ADGRL2: variants seen among roughly 807,000 people sequenced by gnomAD.
The protein encoded by ADGRL2 is calcium-independent alpha-latrotoxin receptor 2.
ADGRL2 carries 44 observed loss-of-function variants against 157.4 expected under a neutral mutation model. The ratio of observed to expected loss-of-function variants is 0.28; its 90% confidence interval spans 0.22 to 0.36. ADGRL2 has a LOEUF of 0.36. Ranked by LOEUF, ADGRL2 falls within the 10% of genes least tolerant of loss-of-function variation. The probability of loss-of-function intolerance (pLI) is 1.00; values close to 1 mark genes in which losing one functional copy is unlikely to be tolerated. For synonymous variants in ADGRL2, 585 were observed against 624.7 expected (o/e 0.94, Z 0.95); for missense variants, 1,510 against 1,768.9 (o/e 0.85, Z 2.63).
chr1:81,759,062 T>C (rs979578559), intron 1 of ADGRL2, among the ~76,000 whole-genome samples: 2 of 152,158 alleles, frequency 1.3e-5, no homozygotes, highest in Admixed American at 6.6e-5. Flanking sequence ...CTGACCTCAA[T>C]TATAGTTAAA....
At chr1:81,376,892 T>C (rs1008825144) in intron 1 of ADGRL2, among the ~76,000 whole-genome samples, 1 of 152,096 alleles carries the variant, frequency 6.6e-6, no homozygotes, top group Non-Finnish European at 1.5e-5. Context: ...TTTGTATTTA[T>C]CCAAAACAAC....
intron 2 of ADGRL2, among the ~76,000 whole-genome samples, chr1:81,465,564 A>G (rs2078035179): frequency 6.6e-6 from 1 of 152,130 alleles, no homozygotes; most frequent in South Asian, 2.1e-4. Flanking sequence ...ATTTTTCATT[A>G]TTGAGATCAT....
chr1:81,464,462 C>T (rs956878847), intron 2 of ADGRL2, among the ~76,000 whole-genome samples: 1 of 152,094 alleles, frequency 6.6e-6, no homozygotes, highest in Non-Finnish European at 1.5e-5. Context: ...GAAACAAGAG[C>T]ATGAATAATT....
chr1:81,783,675 A>G (rs1571207409), intron 2 of ADGRL2, among the ~76,000 whole-genome samples: 1 of 152,226 alleles, frequency 6.6e-6, no homozygotes, highest in East Asian at 1.9e-4. Flanking sequence ...ACTTTTACGT[A>G]GTCAATATAA....
In ADGRL2 at chr1:81,501,853, G is replaced by A. The variant is rs1365244308; in HGVS notation, c.-248+56764G>A. Reference sequence around the variant, plus strand: ...AGCAGCCACACCTGGCTCCTCTGCAGATGGATGCCAGAGAGAAGCAGGGCC... The same window carrying A: ...AGCAGCCACACCTGGCTCCTCTGCAAATGGATGCCAGAGAGAAGCAGGGCC... On this transcript the variant is annotated intron_variant, in intron 2 of 24. Coordinates refer to the ADGRL2 transcript ENST00000370721. The A allele has an allele frequency of 8.1e-6, 13 of 1,598,820 alleles. No individual in the cohort carries two copies. In the African/African-American group the frequency reaches 1.3e-4, roughly 17 times the overall value.
At chr1:81,366,868 C>T (rs1032966980) in intron 1 of ADGRL2, among the ~76,000 whole-genome samples, 2 of 152,194 alleles carry the variant, frequency 1.3e-5, no homozygotes, top group African/African-American at 4.8e-5. Flanking sequence ...TACCTCTCCT[C>T]TTCTCCTGTC....
At chr1:81,836,846 A>G in intron 1 of ADGRL2, 39 bp from the exon 2 acceptor site, 1 of 542,556 alleles carries the variant, frequency 1.8e-6, no homozygotes, top group Non-Finnish European at 3.3e-6. Context: ...GTTATGTAGA[A>G]AGACCATAGA....
intron 2 of ADGRL2, among the ~76,000 whole-genome samples, chr1:81,541,302 C>A (rs1027588179): frequency 3.9e-5 from 6 of 152,186 alleles, no homozygotes; most frequent in Non-Finnish European, 7.4e-5. Context: ...CAACCAATGT[C>A]CAAATGGACA....
At chr1:81,503,781 C>T (rs1439317126) in intron 2 of ADGRL2, among the ~76,000 whole-genome samples, 1 of 152,310 alleles carries the variant, frequency 6.6e-6, no homozygotes, top group Admixed American at 6.5e-5. Context: ...CACAGTGTAT[C>T]GACAATCTGT....
intron 3 of ADGRL2, among the ~76,000 whole-genome samples, chr1:81,591,087 T>C (rs1003037781): frequency 6.6e-6 from 1 of 152,176 alleles, no homozygotes; most frequent in Non-Finnish European, 1.5e-5. Context: ...AAATTATCAG[T>C]CTGACTTCCA....
At chr1:81,802,443 G>T (rs1051548855) in intron 1 of ADGRL2, among the ~76,000 whole-genome samples, 70 of 152,068 alleles carry the variant, frequency 4.6e-4, no homozygotes, top group Middle Eastern at 3.2e-3. Flanking sequence ...TCGATCCGCA[G>T]AACTCTCAGT....
chr1:81,811,574 A>T (rs2089875133), intron 1 of ADGRL2, among the ~76,000 whole-genome samples: 2 of 151,760 alleles, frequency 1.3e-5, no homozygotes, highest in Admixed American at 1.3e-4. Flanking sequence ...TGTGGAAAGG[A>T]ATATGGCAGA....
intron 1 of ADGRL2, among the ~76,000 whole-genome samples, chr1:81,828,121 A>T (rs940448303): frequency 6.6e-6 from 1 of 152,196 alleles, no homozygotes; most frequent in African/African-American, 2.4e-5. Flanking sequence ...TTTTGTAAGT[A>T]AAGTTGTATT....
intron 2 of ADGRL2, chr1:81,502,487 A>G: frequency 6.2e-7 from 1 of 1,613,992 alleles, no homozygotes; most frequent in South Asian, 1.1e-5. Flanking sequence ...GCGGACCCCC[A>G]TCAACCGAAT....
intron 1 of ADGRL2, among the ~76,000 whole-genome samples, chr1:81,718,750 C>G (rs1557592997): frequency 6.6e-6 from 1 of 152,212 alleles, no homozygotes; most frequent in Non-Finnish European, 1.5e-5. Context: ...CAAACTCAAA[C>G]AGCAGGATCT....
chr1:81,660,470 G>C (rs1342646510), intron 3 of ADGRL2, among the ~76,000 whole-genome samples: 1 of 152,064 alleles, frequency 6.6e-6, no homozygotes, highest in Non-Finnish European at 1.5e-5. Context: ...GTGCTGTCCT[G>C]TCACCAACTG....
intron 2 of ADGRL2, among the ~76,000 whole-genome samples, chr1:81,568,454 AAAAAAC>A (rs2080611980): frequency 6.6e-6 from 1 of 152,150 alleles, no homozygotes; most frequent in South Asian, 2.1e-4. Flanking sequence ...AATATGCGTT[AAAAAAC>A]ATAAATCACT....
intron 3 of ADGRL2, among the ~76,000 whole-genome samples, chr1:81,931,068 G>A (rs1449657815): frequency 2.0e-5 from 3 of 152,192 alleles, no homozygotes; most frequent in Non-Finnish European, 4.4e-5. Context: ...AGAATTGCTT[G>A]ACCCCGGGAG....
intron 2 of ADGRL2, among the ~76,000 whole-genome samples, chr1:81,870,607 A>G (rs1208424384): frequency 1.3e-5 from 2 of 152,158 alleles, no homozygotes; most frequent in African/African-American, 4.8e-5. Flanking sequence ...AATATACACT[A>G]CATTCTAAGT....
Sources: gnomAD v4.1 joint callset for allele counts (sites outside exome capture counted in the v4.1 genomes callset) on GRCh38, gnomAD v4.1.1 for gene constraint, MANE v1.5 for transcripts, NCBI Gene and HGNC (gene_info 2026-07-23, HGNC 2026-07-21) for gene names.